Variants in DLGAP2 observed in about 807,000 individuals in gnomAD.
DLGAP2 encodes the protein DLG associated protein 2.
A neutral mutation model predicts 100.3 loss-of-function variants in DLGAP2; 26 were observed. The observed-to-expected ratio is 0.26, with a 90% CI of 0.19 to 0.36. The LOEUF (loss-of-function observed/expected upper bound fraction) is 0.36, where lower values mean the gene tolerates loss of function less well. Ranked by LOEUF, DLGAP2 falls within the 10% of genes least tolerant of loss-of-function variation. DLGAP2 has a pLI of 1.00. For missense variants in DLGAP2, 1,858 were observed against 1,453.2 expected (o/e 1.28, Z -4.53); for synonymous variants, 886 against 630.1 (o/e 1.41, Z -6.08).
At chr8:1,206,562 C>T (rs1797997868) in intron 2 of DLGAP2, among the ~76,000 whole-genome samples, 3 of 150,272 alleles carry the variant, frequency 2.0e-5, no homozygotes, top group Non-Finnish European at 4.4e-5. Flanking sequence ...TAATCTCCAG[C>T]CATCCGTGGG....
chr8:1,053,843 A>G (rs755908281), intron 2 of DLGAP2, among the ~76,000 whole-genome samples: 15 of 152,218 alleles, frequency 9.9e-5, no homozygotes, highest in Admixed American at 2.0e-4. Flanking sequence ...TCCTAGCAGA[A>G]TGGATTCCTG....
At chr8:1,455,907 G>A (rs967294750) in intron 3 of DLGAP2, among the ~76,000 whole-genome samples, 1 of 152,176 alleles carries the variant, frequency 6.6e-6, no homozygotes, top group Non-Finnish European at 1.5e-5. Context: ...TGCCCGGCAC[G>A]AAATCAATCA....
intron 4 of DLGAP2, among the ~76,000 whole-genome samples, chr8:1,511,620 A>G (rs1003277791): frequency 7.6e-4 from 116 of 151,670 alleles, no homozygotes; most frequent in Non-Finnish European, 1.3e-3. Flanking sequence ...AGGTCTGTCT[A>G]GTGTAGGACA....
intron 1 of DLGAP2, among the ~76,000 whole-genome samples, chr8:798,683 C>T (rs34523024): frequency 2.1e-5 from 1 of 47,496 alleles, no homozygotes; most frequent in East Asian, 7.7e-4. Context: ...ATGCTTGTTG[C>T]GTCAGGACCT....
At chr8:1,083,096 C>T (rs1438550382) in intron 2 of DLGAP2, among the ~76,000 whole-genome samples, 2 of 152,212 alleles carry the variant, frequency 1.3e-5, no homozygotes, top group African/African-American at 4.8e-5. Context: ...TGATCAGTTA[C>T]ACAGTTATCT....
intron 4 of DLGAP2, among the ~76,000 whole-genome samples, chr8:1,541,038 C>T (rs147272079): frequency 3.5e-4 from 53 of 152,262 alleles, no homozygotes; most frequent in African/African-American, 1.0e-3. Context: ...GGATTTTCTA[C>T]GGAGCCCTTC....
intron 13 of DLGAP2, among the ~76,000 whole-genome samples, chr8:1,696,153 T>C (rs1458469853): frequency 6.6e-6 from 1 of 152,150 alleles, no homozygotes; most frequent in Non-Finnish European, 1.5e-5. Context: ...CTCTGACTCT[T>C]TTAAATCCCC....
chr8:777,992 A>C (rs935711140), intron 1 of DLGAP2, among the ~76,000 whole-genome samples: 1 of 152,110 alleles, frequency 6.6e-6, no homozygotes, highest in Non-Finnish European at 1.5e-5. Flanking sequence ...TACACCAATC[A>C]GACGTAGATT....
At chr8:1,231,558 C>T (rs1454377715) in intron 2 of DLGAP2, among the ~76,000 whole-genome samples, 2 of 152,088 alleles carry the variant, frequency 1.3e-5, no homozygotes, top group East Asian at 1.9e-4. Context: ...GCACTACTCA[C>T]GATAGCAAAG....
chr8:1,164,709 G>T (rs958372585), intron 2 of DLGAP2, among the ~76,000 whole-genome samples: 2 of 152,174 alleles, frequency 1.3e-5, no homozygotes, highest in East Asian at 3.9e-4. Context: ...GTTCTGTGAA[G>T]TTTGTCTTTC....
intron 1 of DLGAP2, among the ~76,000 whole-genome samples, chr8:881,666 A>ATGTATATGTATATATATATAT: frequency 7.6e-6 from 1 of 131,048 alleles, no homozygotes; most frequent in African/African-American, 2.7e-5. Flanking sequence ...CTTGTGGCTG[A>ATGTATATGTATATATATATAT]ACACACACAC....
chr8:859,417 T>G (rs954858666), intron 1 of DLGAP2, among the ~76,000 whole-genome samples: 3 of 152,192 alleles, frequency 2.0e-5, no homozygotes, highest in Non-Finnish European at 2.9e-5. Context: ...TGGCCCTGTC[T>G]TAGTCTTCTA....
intron 4 of DLGAP2, among the ~76,000 whole-genome samples, chr8:1,528,589 A>C (rs1800876083): frequency 6.6e-6 from 1 of 152,218 alleles, no homozygotes; most frequent in Non-Finnish European, 1.5e-5. Context: ...GCTGAGAATA[A>C]ATGTGATGCT....
chr8:1,520,290 G>A (rs973669309), intron 4 of DLGAP2, among the ~76,000 whole-genome samples: 7 of 152,146 alleles, frequency 4.6e-5, no homozygotes, highest in Non-Finnish European at 8.8e-5. Flanking sequence ...TGGGGCACAC[G>A]GAGGGGAGCG....
intron 2 of DLGAP2, among the ~76,000 whole-genome samples, chr8:1,128,442 A>G (rs922631895): frequency 3.9e-5 from 6 of 152,284 alleles, no homozygotes; most frequent in Non-Finnish European, 7.3e-5. Flanking sequence ...CAGTTTTTCT[A>G]TGTTTAGCTG....
chr8:1,312,054 C>G (rs770939311), intron 3 of DLGAP2, among the ~76,000 whole-genome samples: 14 of 152,206 alleles, frequency 9.2e-5, no homozygotes, highest in Non-Finnish European at 1.9e-4. Flanking sequence ...CATCAATCAA[C>G]TGAATCTGAC....
chr8:1,128,976 C>T (rs1429395516), intron 2 of DLGAP2, among the ~76,000 whole-genome samples: 4 of 152,146 alleles, frequency 2.6e-5, no homozygotes, highest in Non-Finnish European at 5.9e-5. Context: ...CTGACGCTCC[C>T]CACAGGAACT....
chr8:1,416,293 G>C (rs1047090705), intron 3 of DLGAP2, among the ~76,000 whole-genome samples: 1 of 152,160 alleles, frequency 6.6e-6, no homozygotes, highest in African/African-American at 2.4e-5. Context: ...TTCCCGTCAC[G>C]ACGGCCATGG....
intron 3 of DLGAP2, among the ~76,000 whole-genome samples, chr8:1,415,501 G>C (rs532321070): frequency 1.9e-4 from 29 of 151,994 alleles, no homozygotes; most frequent in African/African-American, 6.8e-4. Flanking sequence ...TCTGCTGTTC[G>C]CACCTTTATG....
Sources: allele counts gnomAD v4.1 joint callset (sites outside exome capture counted in the v4.1 genomes callset), GRCh38; gene constraint gnomAD v4.1.1; transcripts MANE v1.5; gene names NCBI Gene and HGNC (gene_info 2026-07-23, HGNC 2026-07-21).